PLA2R1: variants seen among roughly 807,000 people sequenced by gnomAD.
The protein encoded by PLA2R1 is secretory phospholipase A2 receptor.
PLA2R1 carries 158 observed loss-of-function variants against 195.9 expected under a neutral mutation model. The observed-to-expected ratio is 0.81, with a 90% CI of 0.71 to 0.92. PLA2R1 has a LOEUF of 0.92. Ranked by LOEUF, PLA2R1 falls within the 40% of genes least tolerant of loss-of-function variation. The pLI, the probability that PLA2R1 is intolerant of heterozygous loss-of-function variation, is 0.00. For missense variants in PLA2R1, 1,626 were observed against 1,764.6 expected (o/e 0.92, Z 1.41); for synonymous variants, 586 against 598.2 (o/e 0.98, Z 0.30).
chr2:159,963,695 C>T (rs1688597067), intron 20 of PLA2R1, among the ~76,000 whole-genome samples: 1 of 152,082 alleles, frequency 6.6e-6, no homozygotes, highest in African/African-American at 2.4e-5. Context: ...TGAAATAACA[C>T]CTAACGTGTT....
At position 159,947,381 on chromosome 2, in the gene PLA2R1, G is replaced by A. The variant is rs56051881; in HGVS notation, c.3850+38C>T. 9,461 of 1,555,966 alleles carry A rather than the reference G, an allele frequency of 6.1e-3. 325 individuals are homozygous for A. In the African/African-American group the frequency reaches 0.088, roughly 14 times the overall value. On this transcript the variant is annotated intron_variant, in intron 26 of 29. Transcript: ENST00000283243. ...TTGTTTACTGAAATGGCAAGAAGGAGCACATGAAAGCATTTTTACCATCAC... is the reference window on the plus strand; with the variant it reads ...TTGTTTACTGAAATGGCAAGAAGGAACACATGAAAGCATTTTTACCATCAC...
At chr2:159,995,298 A>G (rs1342953224) in intron 11 of PLA2R1, among the ~76,000 whole-genome samples, 1 of 152,102 alleles carries the variant, frequency 6.6e-6, no homozygotes, top group Non-Finnish European at 1.5e-5. Flanking sequence ...TTTTTGCTTT[A>G]GGGAAAAGAG....
At chr2:160,040,787 T>C (rs1034170250) in intron 3 of PLA2R1, among the ~76,000 whole-genome samples, 2 of 152,240 alleles carry the variant, frequency 1.3e-5, no homozygotes, top group African/African-American at 4.8e-5. Context: ...AAATCATGGA[T>C]TCAGAAGTGT....
chr2:160,056,113 T>G (rs145492027), intron 1 of PLA2R1, among the ~76,000 whole-genome samples: 1 of 152,288 alleles, frequency 6.6e-6, no homozygotes, highest in Non-Finnish European at 1.5e-5. Context: ...ACTCGATGCT[T>G]TCCCCACTGC....
intron 1 of PLA2R1, among the ~76,000 whole-genome samples, chr2:160,052,272 T>A (rs565545493): frequency 2.0e-5 from 3 of 152,304 alleles, no homozygotes; most frequent in South Asian, 4.1e-4. Flanking sequence ...CTTCAAATTG[T>A]CTGTTACCAA....
At chr2:159,969,699 C>T (rs922789214) in intron 18 of PLA2R1, among the ~76,000 whole-genome samples, 15 of 152,046 alleles carry the variant, frequency 9.9e-5, no homozygotes, top group African/African-American at 2.4e-4. Flanking sequence ...CGCACCACCA[C>T]GCCCAGCTAA....
intron 1 of PLA2R1, among the ~76,000 whole-genome samples, chr2:160,052,800 G>C (rs951055195): frequency 6.6e-6 from 1 of 152,136 alleles, no homozygotes; most frequent in African/African-American, 2.4e-5. Context: ...AACAACTCCG[G>C]AAATGATATG....
intron 17 of PLA2R1, among the ~76,000 whole-genome samples, chr2:159,975,074 G>A (rs968186982): frequency 6.6e-6 from 1 of 152,132 alleles, no homozygotes; most frequent in Non-Finnish European, 1.5e-5. Flanking sequence ...CAAGGGAAAG[G>A]GGAGTGAGGA....
Position 160,044,852 on chromosome 2 carries a change from C to T in PLA2R1, c.415G>A (p.Val139Met), listed in dbSNP as rs757982632. Residue 139 changes from valine to methionine, a missense_variant, in exon 2 of 30, where the codon GTG (valine) becomes ATG (methionine). Physicochemically the swap from Val to Met is conservative, Grantham distance 21. Transcript: ENST00000283243. ...TTATGAATATACTTCCGTGAGGCCACCACTGTGTTGTCATGCGCCACCTGG... is the reference window on the plus strand; with the variant it reads ...TTATGAATATACTTCCGTGAGGCCATCACTGTGTTGTCATGCGCCACCTGG... ...SVQVAHDNTVVASRKYIHKWI... is the reference protein window; with the variant it reads ...SVQVAHDNTVMASRKYIHKWI... 6.2e-7 allele frequency: 1 copy of T among 1,614,052 alleles called. No homozygotes were observed.
In PLA2R1 at chr2:160,044,754, C is replaced by T. The variant is rs1388177089; in HGVS notation, c.493+20G>A. On this transcript the variant is annotated intron_variant, in intron 2 of 29. Coordinates refer to ENST00000283243, the MANE Select transcript of PLA2R1 (RefSeq NM_007366.5). ...TTAAAAAAACACCATTCCCTGAGTG[C>T]TTCTTTAAATTATTTTTACCTTTGT... 4 of 1,591,540 alleles carry T rather than the reference C, an allele frequency of 2.5e-6. No homozygotes were observed. Among genetic ancestry groups the T allele is most frequent in the Non-Finnish European group, 3.4e-6 (4 of 1,163,002 alleles).
At chr2:159,964,161 G>A (rs1688634117) in intron 20 of PLA2R1, among the ~76,000 whole-genome samples, 1 of 152,196 alleles carries the variant, frequency 6.6e-6, no homozygotes, top group Non-Finnish European at 1.5e-5. Context: ...TATTGTATGA[G>A]TTCGCTAATA....
At chr2:159,984,707 GGAA>G (rs1690203484) in intron 12 of PLA2R1, among the ~76,000 whole-genome samples, 1 of 152,162 alleles carries the variant, frequency 6.6e-6, no homozygotes, top group Non-Finnish European at 1.5e-5. Context: ...CATGGTGGCA[GGAA>G]GAAGCCAGAT....
At chr2:159,930,321 T>A (rs1401820502), downstream of PLA2R1, among the ~76,000 whole-genome samples, 1 of 149,982 alleles carries the variant, frequency 6.7e-6, no homozygotes, top group African/African-American at 2.5e-5. Context: ...GGCAGGAGAA[T>A]GGCGTGAACC....
rs146287694 is a variant in PLA2R1, at chr2:159,987,302, C to T, written c.1891G>A (p.Val631Met). The change falls in exon 12 of 30, where the codon GTG becomes ATG. Residue 631 changes from valine to methionine, a missense_variant. Val to Met is a conservative substitution (Grantham distance 21). Transcript: ENST00000283243. ...GCCTTAAAGTGCCGACAGTGCTTCA[C>T]TTCCCAGCGACCAAGTGGATGCCTT... ...RGRHPLGRWE[V>M]KHCRHFKAMS... is the part of the protein sequence containing the mutation. 6.1e-4 allele frequency: 977 copies of T among 1,612,670 alleles called. No homozygotes were observed. Among genetic ancestry groups the T allele is most frequent in the Non-Finnish European group, 7.7e-4 (914 of 1,179,928 alleles).
chr2:160,018,771 GT>G (rs1160414805), intron 8 of PLA2R1, among the ~76,000 whole-genome samples: 1 of 152,196 alleles, frequency 6.6e-6, no homozygotes, highest in East Asian at 1.9e-4. Flanking sequence ...ATGTATAATT[GT>G]TACTGCACTG....
At chr2:160,032,908 A>G (rs370471714) in intron 4 of PLA2R1, 51 bp downstream of exon 4, 2 of 1,251,082 alleles carry the variant, frequency 1.6e-6, no homozygotes, top group African/African-American at 3.0e-5. Flanking sequence ...AAAACAGTTA[A>G]CAACCATCTT....
At chr2:159,972,224 A>G (rs189202216) in intron 17 of PLA2R1, among the ~76,000 whole-genome samples, 2 of 152,332 alleles carry the variant, frequency 1.3e-5, no homozygotes, top group Admixed American at 6.5e-5. Flanking sequence ...GATATGGCAC[A>G]GAACTGAACT....
intron 10 of PLA2R1, among the ~76,000 whole-genome samples, chr2:160,010,788 T>C (rs571279944): frequency 1.3e-5 from 2 of 152,326 alleles, no homozygotes; most frequent in African/African-American, 4.8e-5. Flanking sequence ...TCTGAATGAT[T>C]AAAAACCAAG....
At chr2:160,052,040 T>C (rs1573981339) in intron 1 of PLA2R1, among the ~76,000 whole-genome samples, 2 of 152,324 alleles carry the variant, frequency 1.3e-5, no homozygotes, top group East Asian at 3.9e-4. Context: ...CCTTAACTCT[T>C]AGCCTTCTTT....
Sources: gnomAD v4.1 joint callset for allele counts (sites outside exome capture counted in the v4.1 genomes callset) on GRCh38, gnomAD v4.1.1 for gene constraint, MANE v1.5 for transcripts, NCBI Gene and HGNC (gene_info 2026-07-23, HGNC 2026-07-21) for gene names.